NBAS: variants seen among roughly 807,000 people sequenced by gnomAD.
NBAS encodes NAG/BC035112 fusion.
In NBAS, 219 loss-of-function variants were observed where a neutral mutation model predicts 302.5. The observed-to-expected ratio is 0.72, with a 90% CI of 0.65 to 0.81. The LOEUF (loss-of-function observed/expected upper bound fraction) is 0.81. NBAS is among the 30% of genes least tolerant of loss of function. The pLI, the probability that NBAS is intolerant of heterozygous loss-of-function variation, is 0.00. For missense variants in NBAS, 2,932 were observed against 2,841.6 expected (o/e 1.03, Z -0.72); for synonymous variants, 1,118 against 1,021.6 (o/e 1.09, Z -1.80).
At chr2:15,440,675 T>C (rs914535652) in intron 21 of NBAS, among the ~76,000 whole-genome samples, 10 of 152,052 alleles carry the variant, frequency 6.6e-5, no homozygotes, top group East Asian at 1.9e-4. Context: ...CTTTGATGAG[T>C]TGAGAGAAGG....
the NBAS span, among the ~76,000 whole-genome samples, chr2:15,118,138 C>A: frequency 6.6e-6 from 1 of 152,196 alleles, no homozygotes; most frequent in Non-Finnish European, 1.5e-5. Flanking sequence ...CTATCTCGAC[C>A]GTGTCAGGCG....
chr2:14,957,511 A>G, the NBAS span, among the ~76,000 whole-genome samples: 1 of 152,174 alleles, frequency 6.6e-6, no homozygotes, highest in Non-Finnish European at 1.5e-5. Flanking sequence ...GGGTGAAGAC[A>G]CTAGGTTGTT....
intron 31 of NBAS, among the ~76,000 whole-genome samples, chr2:15,372,533 T>G (rs1674537004): frequency 6.6e-6 from 1 of 152,184 alleles, no homozygotes; most frequent in South Asian, 2.1e-4. Flanking sequence ...TTCTCCAATA[T>G]TACTGATGAA....
chr2:15,304,004 G>C (rs777291990), intron 40 of NBAS, among the ~76,000 whole-genome samples: 1 of 152,166 alleles, frequency 6.6e-6, no homozygotes, highest in African/African-American at 2.4e-5. Flanking sequence ...CAACACCAAG[G>C]CTCAGAAGCA....
chr2:14,946,255 C>G, the NBAS span, among the ~76,000 whole-genome samples: 1 of 151,966 alleles, frequency 6.6e-6, no homozygotes, highest in Non-Finnish European at 1.5e-5. Context: ...AGTTTCAACC[C>G]AAACAAGACT....
chr2:15,427,584 A>G, intron 22 of NBAS, 127 bp downstream of exon 22: 1 of 774,982 alleles, frequency 1.3e-6, no homozygotes, highest in Non-Finnish European at 2.2e-6. Flanking sequence ...TTAAAACTTC[A>G]CTCAAACTTT....
chr2:14,807,234 TC>T, the NBAS span, among the ~76,000 whole-genome samples: 1 of 152,182 alleles, frequency 6.6e-6, no homozygotes, highest in Non-Finnish European at 1.5e-5. Flanking sequence ...TTCTAAACTT[TC>T]CATTGAACTT....
chr2:15,494,503 CCAA>C (rs1372619195), intron 11 of NBAS, among the ~76,000 whole-genome samples: 4 of 152,174 alleles, frequency 2.6e-5, no homozygotes, highest in South Asian at 2.1e-4. Context: ...ATCGTAAATT[CCAA>C]CAACATGTCT....
intron 6 of NBAS, among the ~76,000 whole-genome samples, chr2:15,541,195 A>T (rs1368668457): frequency 6.6e-6 from 1 of 152,114 alleles, no homozygotes; most frequent in Non-Finnish European, 1.5e-5. Flanking sequence ...TTATCACATC[A>T]TATTGTTGTT....
At chr2:15,519,827 TTA>T (rs918487172) in intron 9 of NBAS, among the ~76,000 whole-genome samples, 5 of 152,190 alleles carry the variant, frequency 3.3e-5, no homozygotes, top group African/African-American at 1.2e-4. Flanking sequence ...CTGCTTTACT[TTA>T]TGTTTGAATC....
intron 50 of NBAS, among the ~76,000 whole-genome samples, chr2:15,181,740 C>T (rs1211668954): frequency 6.6e-6 from 1 of 152,180 alleles, no homozygotes; most frequent in Non-Finnish European, 1.5e-5. Flanking sequence ...GGGCACTGTT[C>T]CCATTGTCTG....
intron 42 of NBAS, among the ~76,000 whole-genome samples, chr2:15,280,406 AAG>A (rs951087262): frequency 6.6e-6 from 1 of 152,040 alleles, no homozygotes; most frequent in Non-Finnish European, 1.5e-5. Context: ...GGAGAGGGGG[AAG>A]AGAGAATAAA....
intron 38 of NBAS, among the ~76,000 whole-genome samples, chr2:15,324,463 T>C (rs1671970558): frequency 6.6e-6 from 1 of 152,128 alleles, no homozygotes; most frequent in South Asian, 2.1e-4. Flanking sequence ...TTCTTCTTCC[T>C]CCAAACCCAT....
chr2:15,037,181 T>C, the NBAS span, among the ~76,000 whole-genome samples: 5,212 of 152,286 alleles, frequency 0.034, 137 homozygotes, highest in Middle Eastern at 0.071. Context: ...CCTTCCTCCA[T>C]GACCCCTAAA....
the NBAS span, among the ~76,000 whole-genome samples, chr2:14,908,746 G>A: frequency 7.0e-4 from 107 of 152,332 alleles, no homozygotes; most frequent in Admixed American, 2.4e-3. Context: ...AAAGGAAAGA[G>A]CATTTTTGTG....
the NBAS span, among the ~76,000 whole-genome samples, chr2:15,148,979 A>G: frequency 1.3e-5 from 2 of 152,222 alleles, no homozygotes. Context: ...GTGTACTTTA[A>G]AAAACCTTTT....
intron 18 of NBAS, 95 bp downstream of exon 18, chr2:15,467,569 A>G: frequency 7.3e-7 from 1 of 1,374,404 alleles, no homozygotes; most frequent in South Asian, 1.2e-5. Context: ...CTAAGTTGCT[A>G]AAATAATTTG....
rs775551690 is a variant in NBAS, at chr2:15,218,888, C to T, written c.6317G>A (p.Arg2106His). Residue 2106 changes from arginine (R) to histidine (H), a missense_variant, in exon 48 of 52, where the codon CGC becomes CAC. Arg to His is a conservative substitution (Grantham distance 29). Coordinates refer to ENST00000281513, the MANE Select transcript of NBAS (RefSeq NM_015909.4). ...CCCCAAAATCTGCAGCACGTGAATG[C>T]GGGGCCGCACCGGCCAGGCGTCATC... ...CADDAWPVRP[R>H]IHVLQILGQS... 2.5e-5 allele frequency: 40 copies of T among 1,614,132 alleles called. No individual in the cohort carries two copies. The highest frequency in any genetic ancestry group is 1.9e-4 in the South Asian group (17 of 91,094).
At position 15,488,887 on chromosome 2, in the gene NBAS, G is replaced by A; in HGVS notation, c.1083+7C>T. ...GAGAGTATCATTCTAATAACCAAGA[G>A]ACGCACCTGCTCATTTTGACCCCAT... is the stretch of plus-strand genomic sequence containing the variant. On this transcript the variant is annotated splice_region_variant and intron_variant, in intron 12 of 51. Transcript: ENST00000281513. 1 of 1,613,452 alleles carries A rather than the reference G, an allele frequency of 6.2e-7. No individual in the cohort carries two copies. Among genetic ancestry groups the A allele is most frequent in the Middle Eastern group, 1.7e-4 (1 of 6,060 alleles).
Sources: gnomAD v4.1 joint callset for allele counts (sites outside exome capture counted in the v4.1 genomes callset) on GRCh38, gnomAD v4.1.1 for gene constraint, MANE v1.5 for transcripts, NCBI Gene and HGNC (gene_info 2026-07-23, HGNC 2026-07-21) for gene names.